The following CSMD2 variants were observed in gnomAD, a reference collection of about 807,000 sequenced individuals.
The protein encoded by CSMD2 is CUB and sushi domain-containing protein 2.
Under a neutral mutation model 398.5 loss-of-function variants are expected in CSMD2, and 130 were observed. The observed-to-expected ratio is 0.33, with a 90% CI of 0.28 to 0.38. The LOEUF (loss-of-function observed/expected upper bound fraction) is 0.38. Among genes scored for constraint, CSMD2 ranks in the 10% least tolerant of loss-of-function variants. CSMD2 has a pLI of 1.00. For missense variants in CSMD2, 3,829 were observed against 4,764.9 expected (o/e 0.80, Z 5.78); for synonymous variants, 1,828 against 1,908.5 (o/e 0.96, Z 1.10).
intron 33 of CSMD2, 56 bp downstream of exon 33, chr1:33,626,430 G>C: frequency 7.8e-7 from 1 of 1,276,562 alleles, no homozygotes; most frequent in South Asian, 1.4e-5. Context: ...CTTCGATCAC[G>C]AGTCCCTTAA....
intron 13 of CSMD2, among the ~76,000 whole-genome samples, chr1:33,759,488 G>T (rs1649534927): frequency 6.6e-6 from 1 of 151,726 alleles, no homozygotes; most frequent in Non-Finnish European, 1.5e-5. Context: ...ACCATGCCCG[G>T]CTAATTTTTT....
At chr1:33,741,951 TCCATTCCGTAAACATTTGCTGATC>T (rs1647083040) in intron 14 of CSMD2, among the ~76,000 whole-genome samples, 3 of 152,212 alleles carry the variant, frequency 2.0e-5, no homozygotes, top group Admixed American at 2.0e-4. Context: ...CATGGATCCT[TCCATTCCGTAAACATTTGCTGATC>T]CTTAGCACAC....
At chr1:33,941,913 G>A (rs1272136813) in intron 3 of CSMD2, among the ~76,000 whole-genome samples, 1 of 151,956 alleles carries the variant, frequency 6.6e-6, no homozygotes, top group African/African-American at 2.4e-5. Context: ...CAAATGATAT[G>A]TATTTTTGCT....
intron 3 of CSMD2, among the ~76,000 whole-genome samples, chr1:33,960,474 C>T (rs1331331361): frequency 6.6e-6 from 1 of 152,240 alleles, no homozygotes; most frequent in Non-Finnish European, 1.5e-5. Context: ...TATTTTATAA[C>T]TCTGTGGAGC....
Position 33,662,882 on chromosome 1 carries a change from G to C in CSMD2, c.4255+8C>G, listed in dbSNP as rs373370975. ...GTGGAGTGGGGCTGGCAGAGGGCAC[G>C]CACAGACCTGAAAATTGAATGGCAA... On this transcript the variant is annotated splice_region_variant and intron_variant, in intron 26 of 70. Coordinates refer to ENST00000373381, the MANE Select transcript of CSMD2 (RefSeq NM_001281956.2). 3 of 1,613,758 alleles carry C rather than the reference G, an allele frequency of 1.9e-6. No individual in the cohort carries two copies. Among genetic ancestry groups the C allele is most frequent in the South Asian group, 2.2e-5 (2 of 91,056 alleles).
intron 27 of CSMD2, among the ~76,000 whole-genome samples, chr1:33,653,259 G>A (rs1473638957): frequency 1.3e-5 from 2 of 152,144 alleles, no homozygotes; most frequent in East Asian, 1.9e-4. Flanking sequence ...AGACGGAGCC[G>A]GCACTGTCTG....
At chr1:34,047,087 G>A (rs1432361238) in intron 2 of CSMD2, among the ~76,000 whole-genome samples, 1 of 152,002 alleles carries the variant, frequency 6.6e-6, no homozygotes, top group African/African-American at 2.4e-5. Flanking sequence ...CATCCCACTC[G>A]ATTTGGGATA....
chr1:33,612,113 T>C (rs575673771), intron 40 of CSMD2, among the ~76,000 whole-genome samples: 11 of 152,356 alleles, frequency 7.2e-5, no homozygotes, highest in African/African-American at 2.6e-4. Flanking sequence ...TGCTAGGCAT[T>C]GTACAGGATG....
chr1:33,977,718 A>G (rs1186893057), intron 3 of CSMD2, among the ~76,000 whole-genome samples: 1 of 151,786 alleles, frequency 6.6e-6, no homozygotes, highest in East Asian at 2.0e-4. Context: ...CAACCCTTCC[A>G]CATGCTGACC....
chr1:34,098,207 G>A (rs889239375), intron 1 of CSMD2, among the ~76,000 whole-genome samples: 1 of 131,650 alleles, frequency 7.6e-6, no homozygotes, highest in African/African-American at 2.9e-5. Context: ...GGTGGGAATT[G>A]AACAATGAGA....
rs767066089 is a variant in CSMD2 at position 33,700,578 on chromosome 1, C to T, written c.3672G>A (p.Leu1224=). The T allele has an allele frequency of 5.0e-6, 8 of 1,614,080 alleles. No homozygotes were observed. The East Asian group carries it at 1.6e-4, about 31-fold the overall frequency. ...GVTLNSTSSS[L]WLDFITDAEN... ...CAGCATCAGTGATGAAATCAAGCCACAGACTGCTGGATGTGCTGTTCAAAG... is the reference window on the plus strand; with the variant it reads ...CAGCATCAGTGATGAAATCAAGCCATAGACTGCTGGATGTGCTGTTCAAAG... Residue 1224 remains leucine (L), a synonymous_variant, in exon 23 of 71, where the codon CTG becomes CTA. Coordinates refer to ENST00000373381, the MANE Select transcript of CSMD2 (RefSeq NM_001281956.2).
At position 33,624,751 on chromosome 1, in the gene CSMD2, G is replaced by T; in HGVS notation, c.5501-108C>A. 7.0e-7 allele frequency: 1 copy of T among 1,418,808 alleles called. No homozygotes were observed. 87.9% of individuals were successfully genotyped at this position (1,418,808 alleles called of 1,614,324 possible). ...AGCCTCTGTTTGTCCTCCTCCCCATGGGGGTGTCTCCCTAATGTCCCCAGT... is the reference window on the plus strand; with the variant it reads ...AGCCTCTGTTTGTCCTCCTCCCCATTGGGGTGTCTCCCTAATGTCCCCAGT... On this transcript the variant is annotated intron_variant, in intron 34 of 70. Coordinates refer to ENST00000373381, the MANE Select transcript of CSMD2 (RefSeq NM_001281956.2). This position sits in a 1 kb window ranked among gnomAD's most constrained non-coding sequence, Gnocchi z 4.7.
At chr1:33,754,160 G>A (rs550708) in intron 13 of CSMD2, among the ~76,000 whole-genome samples, 1,540 of 152,294 alleles carry the variant, frequency 0.01, 29 homozygotes, top group African/African-American at 0.035. Flanking sequence ...TGTCTCCTCC[G>A]AATAGCACAT....
intron 1 of CSMD2, among the ~76,000 whole-genome samples, chr1:34,140,077 C>T (rs895179574): frequency 2.0e-5 from 3 of 152,140 alleles, no homozygotes; most frequent in Admixed American, 6.5e-5. Context: ...CCTGAAGCTT[C>T]CAGTCTAGAC....
At chr1:33,744,162 A>G (rs1269500043) in intron 13 of CSMD2, among the ~76,000 whole-genome samples, 1 of 152,184 alleles carries the variant, frequency 6.6e-6, no homozygotes, top group African/African-American at 2.4e-5. Context: ...GCCTAAGTGT[A>G]GAGTCACAGT....
chr1:34,111,522 A>G (rs947388436), intron 1 of CSMD2, among the ~76,000 whole-genome samples: 1 of 152,234 alleles, frequency 6.6e-6, no homozygotes, highest in Non-Finnish European at 1.5e-5. Context: ...GCCATCATTT[A>G]TCAGGCACTG....
intron 64 of CSMD2, among the ~76,000 whole-genome samples, 199 bp from the exon 65 acceptor site, chr1:33,527,457 AG>A (rs1377842092): frequency 4.6e-5 from 7 of 152,218 alleles, no homozygotes; most frequent in African/African-American, 1.7e-4. Flanking sequence ...AAAAATACAA[AG>A]AATTACAGAG....
intron 5 of CSMD2, chr1:33,864,252 C>A (rs778065142): frequency 1.9e-6 from 3 of 1,611,988 alleles, no homozygotes. Context: ...TCACTTTTTG[C>A]TGAATTACAG....
chr1:33,836,397 CAG>C (rs1385464988), intron 6 of CSMD2, among the ~76,000 whole-genome samples: 1 of 152,206 alleles, frequency 6.6e-6, no homozygotes, highest in Non-Finnish European at 1.5e-5. Flanking sequence ...AGCTGTCAGA[CAG>C]GGACATTTAA....
Sources: allele counts gnomAD v4.1 joint callset (sites outside exome capture counted in the v4.1 genomes callset), GRCh38; gene constraint gnomAD v4.1.1; non-coding constraint Gnocchi (gnomAD v3.1); transcripts MANE v1.5; gene names NCBI Gene and HGNC (gene_info 2026-07-23, HGNC 2026-07-21).